The following STAT5A variants were observed in gnomAD, a reference collection of about 807,000 sequenced individuals.
The protein encoded by STAT5A is signal transducer and activator of transcription 5A.
Under a neutral mutation model 100.2 loss-of-function variants are expected in STAT5A, and 26 were observed. That is an observed-to-expected ratio of 0.26 (90% confidence interval 0.19 to 0.36). The LOEUF (loss-of-function observed/expected upper bound fraction) is 0.36. STAT5A is among the 10% of genes least tolerant of loss of function. The pLI, the probability that STAT5A is intolerant of heterozygous loss-of-function variation, is 1.00. For synonymous variants in STAT5A, 330 were observed against 424.3 expected, an observed-to-expected ratio of 0.78 and a Z score of 2.73; for missense variants, 634 against 1,027.5, an observed-to-expected ratio of 0.62 and a Z score of 5.24.
intron 17 of STAT5A, 111 bp downstream of exon 17, chr17:42,309,209 T>C: frequency 6.3e-7 from 1 of 1,591,996 alleles, no homozygotes. Context: ...GGAACCTGTC[T>C]CAGCCCTGGG....
chr17:42,291,723 G>GAAA (rs57592406), intron 3 of STAT5A, among the ~76,000 whole-genome samples: 4 of 111,098 alleles, frequency 3.6e-5, no homozygotes, highest in African/African-American at 9.7e-5. Context: ...ATCTCAAAAA[G>GAAA]AAAAAAAAAA....
chr17:42,287,693 G>A (rs997358875), upstream of STAT5A: 1 of 152,292 alleles, frequency 6.6e-6, no homozygotes, highest in Non-Finnish European at 1.5e-5. Context: ...GCTAGTTTAT[G>A]GATCACAGTC....
At chr17:42,298,663 G>A (rs1433853637) in intron 5 of STAT5A, among the ~76,000 whole-genome samples, 5 of 151,516 alleles carry the variant, frequency 3.3e-5, no homozygotes, top group Non-Finnish European at 7.4e-5. Flanking sequence ...AGTAGAGATG[G>A]GGTTTCACTG....
At chr17:42,295,031 G>C (rs2080905505) in intron 4 of STAT5A, among the ~76,000 whole-genome samples, 1 of 152,068 alleles carries the variant, frequency 6.6e-6, no homozygotes, top group Non-Finnish European at 1.5e-5. Flanking sequence ...AGGAATGGCT[G>C]GATCCAAGGG....
chr17:42,291,731 A>G lies in STAT5A; in HGVS notation c.286-241A>G, dbSNP rs1403800252. ...AAACTCCATCTCAAAAAGAAAAAAA[A>G]AAAAAAGAGAAAGTGCCTCATAAAC... On this transcript the variant is annotated intron_variant, in intron 3 of 18. Transcript: ENST00000590949. Among the ~76,000 whole-genome samples the G allele has an allele frequency of 2.0e-5, 3 of 152,166 alleles. No individual in the cohort carries two copies. In the East Asian group the frequency reaches 5.8e-4, roughly 29 times the overall value.
chr17:42,309,591 C>T, intron 18 of STAT5A, 107 bp downstream of exon 18: 2 of 1,171,940 alleles, frequency 1.7e-6, no homozygotes. Context: ...TGGTTAGGCC[C>T]AAGTCCAGGA....
chr17:42,308,390 T>C lies in STAT5A; in HGVS notation c.2062+57T>C, dbSNP rs1377297327. The C allele has an allele frequency of 1.6e-5, 25 of 1,611,318 alleles. No homozygotes were observed. The highest frequency in any genetic ancestry group is 2.0e-5 in the Non-Finnish European group (23 of 1,178,364). The stretch of plus-strand genomic sequence containing the variant: ...CTCCCCCGGGCTCTTCCCCAGCCCA[T>C]AGACAAAGCCTTGGGCTGCGCCGTG... On this transcript the variant is annotated intron_variant, in intron 16 of 18. Transcript: ENST00000590949. The surrounding 1 kb of genome is among the most constrained non-coding windows in gnomAD (Gnocchi z 4.6).
intron 4 of STAT5A, among the ~76,000 whole-genome samples, chr17:42,292,461 T>TG (rs2080878684): frequency 6.6e-6 from 1 of 151,826 alleles, no homozygotes; most frequent in Non-Finnish European, 1.5e-5. Flanking sequence ...CCCGAGTAGC[T>TG]GGGGCTACAG....
At chr17:42,295,107 C>T (rs2080906332) in intron 4 of STAT5A, among the ~76,000 whole-genome samples, 1 of 152,152 alleles carries the variant, frequency 6.6e-6, no homozygotes, top group African/African-American at 2.4e-5. Flanking sequence ...AGAGTTTCGG[C>T]CTCTTCCCTC....
At position 42,289,545 on chromosome 17, in the gene STAT5A, C is replaced by G. The variant is rs759235079; in HGVS notation, c.128+6C>G. On this transcript the variant is annotated splice_donor_region_variant and intron_variant, in intron 2 of 18. Transcript: ENST00000590949. ...TGGATTGAGAGCCAGCCATGGTAGG[C>G]ACGTCCCGCCCTGCCCCTCCTCAGA... The G allele has an allele frequency of 3.4e-5, 55 of 1,611,516 alleles. No homozygotes were observed. The highest frequency in any genetic ancestry group is 4.6e-5 in the Non-Finnish European group (54 of 1,179,054).
At chr17:42,287,509 G>C (rs1482734083), upstream of STAT5A, 1 of 152,520 alleles carries the variant, frequency 6.6e-6, no homozygotes. Context: ...CTTGGGCCTC[G>C]TGGGAAGGGG....
At chr17:42,287,932 A>AT (rs1238442829), upstream of STAT5A, 2 of 152,134 alleles carry the variant, frequency 1.3e-5, no homozygotes, top group Non-Finnish European at 2.9e-5. Flanking sequence ...CTTCACTAGA[A>AT]TCCCCAGTTC....
intron 5 of STAT5A, among the ~76,000 whole-genome samples, chr17:42,299,352 C>T (rs1032635434): frequency 1.3e-5 from 2 of 152,222 alleles, no homozygotes; most frequent in African/African-American, 4.8e-5. Context: ...AGCTGAGGCA[C>T]AGGAAAGGAA....
intron 5 of STAT5A, among the ~76,000 whole-genome samples, chr17:42,296,474 C>A (rs1445662197): frequency 6.6e-6 from 1 of 152,142 alleles, no homozygotes; most frequent in Non-Finnish European, 1.5e-5. Context: ...GGACATGGCC[C>A]ATCTATTAAT....
At chr17:42,299,651 G>A (rs372239498) in intron 5 of STAT5A, 100 bp from the exon 6 acceptor site, 1 of 1,586,852 alleles carries the variant, frequency 6.3e-7, no homozygotes. Flanking sequence ...CAGTGTCTGA[G>A]CCTGGGAGGG....
At chr17:42,298,391 C>A (rs1185796540) in intron 5 of STAT5A, among the ~76,000 whole-genome samples, 2 of 151,782 alleles carry the variant, frequency 1.3e-5, no homozygotes, top group Admixed American at 6.6e-5. Flanking sequence ...GAACTCTTGA[C>A]CTCAAGTGAT....
chr17:42,307,225 T>C (rs1957794062), intron 13 of STAT5A, among the ~76,000 whole-genome samples, 177 bp from the exon 14 acceptor site: 1 of 152,120 alleles, frequency 6.6e-6, no homozygotes, highest in Non-Finnish European at 1.5e-5. Context: ...GAGTTTCCTC[T>C]CTGTTTTCCT....
Position 42,289,553 on chromosome 17 carries a change from G to A in STAT5A, c.128+14G>A, listed in dbSNP as rs199946833. 308 of 1,610,228 alleles carry A rather than the reference G, an allele frequency of 1.9e-4. No homozygotes were observed. In the African/African-American group the frequency reaches 3.7e-3, roughly 19 times the overall value. On this transcript the variant is annotated intron_variant, in intron 2 of 18. Coordinates refer to ENST00000590949, the MANE Select transcript of STAT5A (RefSeq NM_001288718.2). ...GAGCCAGCCATGGTAGGCACGTCCC[G>A]CCCTGCCCCTCCTCAGAGGGTCCCT...
At chr17:42,293,560 A>T (rs2144506262) in intron 4 of STAT5A, among the ~76,000 whole-genome samples, 1 of 152,338 alleles carries the variant, frequency 6.6e-6, no homozygotes, top group South Asian at 2.1e-4. Flanking sequence ...GTAGACATTT[A>T]TTGAGGTCTT....
Sources: allele counts gnomAD v4.1 joint callset (sites outside exome capture counted in the v4.1 genomes callset), GRCh38; gene constraint gnomAD v4.1.1; non-coding constraint Gnocchi (gnomAD v3.1); transcripts MANE v1.5; gene names NCBI Gene and HGNC (gene_info 2026-07-23, HGNC 2026-07-21).